CCDC57: variants seen among roughly 807,000 people sequenced by gnomAD.
CCDC57 encodes the protein coiled-coil domain containing 57.
CCDC57 carries 118 observed loss-of-function variants against 118.9 expected under a neutral mutation model. That is an observed-to-expected ratio of 0.99 (90% CI 0.86 to 1.16). The LOEUF (loss-of-function observed/expected upper bound fraction) is 1.16. Among genes scored for constraint, CCDC57 ranks in the 50% most tolerant of loss-of-function variants. The pLI, the probability that CCDC57 is intolerant of heterozygous loss-of-function variation, is 0.00. For missense variants in CCDC57, 1,300 were observed against 1,320.7 expected, an observed-to-expected ratio of 0.98 and a Z score of 0.24; for synonymous variants, 527 against 532.9, an observed-to-expected ratio of 0.99 and a Z score of 0.15.
intron 9 of CCDC57, among the ~76,000 whole-genome samples, chr17:82,182,435 C>G (rs1251805498): frequency 6.6e-6 from 1 of 151,804 alleles, no homozygotes; most frequent in African/African-American, 2.4e-5. Context: ...CTCACTGCAG[C>G]CTCCGCCTCC....
intron 16 of CCDC57, among the ~76,000 whole-genome samples, chr17:82,136,536 T>C (rs2039199530): frequency 6.7e-6 from 1 of 150,056 alleles, no homozygotes; most frequent in Non-Finnish European, 1.5e-5. Flanking sequence ...GTATACTTTG[T>C]ATACTTCATG....
chr17:82,149,465 G>A (rs1314382010), intron 16 of CCDC57, among the ~76,000 whole-genome samples: 1 of 152,080 alleles, frequency 6.6e-6, no homozygotes, highest in African/African-American at 2.4e-5. Context: ...AGACACTGCT[G>A]CCTTTACCTG....
intron 4 of CCDC57, among the ~76,000 whole-genome samples, chr17:82,197,756 G>A (rs1427814066): frequency 6.6e-6 from 1 of 152,150 alleles, no homozygotes; most frequent in Non-Finnish European, 1.5e-5. Context: ...TCCACTGAGG[G>A]CCTGAATAGA....
rs763170321 is a variant in CCDC57 at position 82,179,016 on chromosome 17, G to A, written c.1374+11C>T. 3 of 1,611,910 alleles carry A rather than the reference G, an allele frequency of 1.9e-6. No individual in the cohort carries two copies. The highest frequency in any genetic ancestry group is 3.3e-5 in the Admixed American group (2 of 59,864). On this transcript the variant is annotated intron_variant, in intron 10 of 19. Coordinates refer to ENST00000665763, the Ensembl canonical transcript of CCDC57. Reference sequence around the variant, plus strand: ...GCCGAGAAGGCCCCAGGCCCTGGTGGCCGCACACACCTGACTTTTTGCCAT... The same window carrying A: ...GCCGAGAAGGCCCCAGGCCCTGGTGACCGCACACACCTGACTTTTTGCCAT...
intron 19 of CCDC57, chr17:82,104,786 A>T (rs8082457): frequency 8.6e-5 from 13 of 151,942 alleles, no homozygotes; most frequent in African/African-American, 2.9e-4. Flanking sequence ...TGATCCACCC[A>T]CCTCGGCCTC....
chr17:82,179,293 C>G, intron 9 of CCDC57, 104 bp from the exon 9 acceptor site: 1 of 1,320,382 alleles, frequency 7.6e-7, no homozygotes, highest in Non-Finnish European at 1.0e-6. Flanking sequence ...GTCCCTCCTG[C>G]TCTCGCATGG....
chr17:82,101,608 ACACGTAGGTGAAAG>A (rs1283648984), exon 20 of CCDC57: 1 of 1,279,498 alleles, frequency 7.8e-7, no homozygotes, highest in South Asian at 1.3e-5. Context: ...CCCCCCCACA[ACACGTAGGTGAAAG>A]CACAGGCACC....
chr17:82,168,885 A>T lies in CCDC57; in HGVS notation c.1882+2816T>A, dbSNP rs1038007479. The stretch of plus-strand genomic sequence containing the variant: ...AAGAATCGTGATTTAAAAAATAAAG[A>T]TCTATATTAAAACAGGAATAGAAAG... On this transcript the variant is annotated intron_variant, in intron 13 of 19. Transcript: ENST00000665763. Among the ~76,000 whole-genome samples, 16 of 152,206 alleles carry T rather than the reference A, an allele frequency of 1.1e-4. No homozygotes were observed. In the South Asian group the frequency reaches 1.9e-3, roughly 18 times the overall value.
Position 82,118,567 on chromosome 17 carries a change from T to A in CCDC57, c.2899+9125A>T, listed in dbSNP as rs2036225575. ...CCTGAAAGGACATTTGGGCACTTGA[T>A]ACACACCCATAAGGTGCACTCTAGG... On this transcript the variant is annotated intron_variant, in intron 19 of 19. Transcript: ENST00000665763. This position sits in a 1 kb window ranked among gnomAD's most constrained non-coding sequence, Gnocchi z 4.7. Among the ~76,000 whole-genome samples the A allele has an allele frequency of 6.6e-6, 1 of 152,046 alleles. No homozygotes were observed. The highest frequency in any genetic ancestry group is 1.5e-5 in the Non-Finnish European group (1 of 67,994).
chr17:82,188,708 G>A (rs958913932), intron 7 of CCDC57, among the ~76,000 whole-genome samples: 1 of 152,210 alleles, frequency 6.6e-6, no homozygotes, highest in Non-Finnish European at 1.5e-5. Flanking sequence ...ATCAACCTGC[G>A]AAAGGAGGTG....
chr17:82,113,260 C>T, intron 19 of CCDC57: 1 of 634,840 alleles, frequency 1.6e-6, no homozygotes, highest in South Asian at 1.9e-5. Context: ...CAGGGCACCC[C>T]AGTGCTCCCT....
At chr17:82,184,041 A>ACACACACACACACACC in intron 8 of CCDC57, 109 bp from the exon 8 acceptor site, 1 of 474,384 alleles carries the variant, frequency 2.1e-6, no homozygotes, top group East Asian at 3.0e-5. Context: ...GCACACACAC[A>ACACACACACACACACC]CACACACACA....
At chr17:82,125,660 G>A in intron 19 of CCDC57, among the ~76,000 whole-genome samples, 1 of 152,106 alleles carries the variant, frequency 6.6e-6, no homozygotes, top group East Asian at 1.9e-4. Flanking sequence ...ATAGGCACGA[G>A]CCACTGCCTC....
intron 9 of CCDC57, among the ~76,000 whole-genome samples, chr17:82,183,144 A>G (rs573797488): frequency 6.6e-6 from 1 of 152,356 alleles, no homozygotes; most frequent in East Asian, 1.9e-4. Context: ...GAGCCAAATG[A>G]TATCATACAG....
intron 14 of CCDC57, 120 bp from the exon 14 acceptor site, chr17:82,158,068 G>C: frequency 1.4e-6 from 2 of 1,450,472 alleles, no homozygotes; most frequent in Non-Finnish European, 1.8e-6. Context: ...CGGGGTCAGG[G>C]CCTCCTCCCC....
intron 3 of CCDC57, among the ~76,000 whole-genome samples, chr17:82,200,388 C>T (rs965457636): frequency 4.6e-5 from 7 of 152,172 alleles, no homozygotes; most frequent in African/African-American, 9.7e-5. Context: ...ACAGATTGCC[C>T]GTGGCGGCTT....
intron 14 of CCDC57, among the ~76,000 whole-genome samples, chr17:82,162,192 T>G (rs1599045094): frequency 6.6e-6 from 1 of 151,700 alleles, no homozygotes; most frequent in Non-Finnish European, 1.5e-5. Context: ...AGAGATGGGG[T>G]TTCACCATGT....
chr17:82,191,083 C>A (rs1465767752), intron 7 of CCDC57, among the ~76,000 whole-genome samples: 1 of 151,016 alleles, frequency 6.6e-6, no homozygotes, highest in Non-Finnish European at 1.5e-5. Context: ...TCAAGTAAAT[C>A]ATGAGTTGTA....
chr17:82,149,121 C>CATGGATGG (rs143792474), intron 16 of CCDC57, among the ~76,000 whole-genome samples: 1 of 43,176 alleles, frequency 2.3e-5, no homozygotes, highest in Admixed American at 3.9e-4. Context: ...TAAGTGGTTG[C>CATGGATGG]ATGGATGGAT....
Sources: gnomAD v4.1 joint callset for allele counts (sites outside exome capture counted in the v4.1 genomes callset) on GRCh38, gnomAD v4.1.1 for gene constraint, Gnocchi (gnomAD v3.1) non-coding constraint, MANE v1.5 for transcripts, NCBI Gene and HGNC (gene_info 2026-07-23, HGNC 2026-07-21) for gene names.